The following TMEM132D variants were observed in gnomAD, a reference collection of about 807,000 sequenced individuals.
TMEM132D encodes the protein transmembrane protein 132D, also known as mature OL transmembrane protein.
A neutral mutation model predicts 62.3 loss-of-function variants in TMEM132D; 21 were observed. The observed-to-expected ratio is 0.34, with a 90% CI of 0.24 to 0.49. The LOEUF is 0.49. Ranked by LOEUF, TMEM132D falls within the 20% of genes least tolerant of loss-of-function variation. TMEM132D has a pLI of 0.99. For missense variants in TMEM132D, 1,346 were observed against 1,402.8 expected (o/e 0.96, Z 0.65); for synonymous variants, 621 against 575.6 (o/e 1.08, Z -1.13).
intron 3 of TMEM132D, among the ~76,000 whole-genome samples, chr12:129,433,465 C>T (rs1243159508): frequency 6.6e-6 from 1 of 151,998 alleles, no homozygotes; most frequent in African/African-American, 2.4e-5. Context: ...CTTTCTTTTC[C>T]TTCACCTGGT....
chr12:129,394,922 G>C (rs2135696519), intron 3 of TMEM132D, among the ~76,000 whole-genome samples: 1 of 152,280 alleles, frequency 6.6e-6, no homozygotes, highest in Middle Eastern at 3.4e-3. Flanking sequence ...ACACTCCTCT[G>C]TAAACACACG....
chr12:129,532,859 G>C (rs1485318229), intron 2 of TMEM132D, among the ~76,000 whole-genome samples: 2 of 152,218 alleles, frequency 1.3e-5, no homozygotes, highest in East Asian at 3.9e-4. Flanking sequence ...GAGGAATTAA[G>C]CACATCCTGC....
At chr12:129,535,324 G>A (rs867703376) in intron 2 of TMEM132D, among the ~76,000 whole-genome samples, 5 of 152,292 alleles carry the variant, frequency 3.3e-5, no homozygotes, top group Middle Eastern at 3.4e-3. Flanking sequence ...CAAGAGCAGC[G>A]AGTGCTGGGA....
At chr12:129,370,908 G>A (rs1032838618) in intron 3 of TMEM132D, among the ~76,000 whole-genome samples, 4 of 152,066 alleles carry the variant, frequency 2.6e-5, no homozygotes, top group African/African-American at 9.7e-5. Context: ...AGAGAAGTTG[G>A]TTAATGAACA....
At chr12:129,884,302 A>G (rs1874689601) in intron 1 of TMEM132D, among the ~76,000 whole-genome samples, 1 of 152,262 alleles carries the variant, frequency 6.6e-6, no homozygotes, top group Non-Finnish European at 1.5e-5. Flanking sequence ...TGCAAAAGAC[A>G]TGTTAAAATA....
intron 1 of TMEM132D, among the ~76,000 whole-genome samples, chr12:129,861,498 C>A (rs780366975): frequency 6.6e-6 from 1 of 152,186 alleles, no homozygotes; most frequent in Non-Finnish European, 1.5e-5. Context: ...CAGTGGCTCA[C>A]GCCTGTAATC....
At chr12:129,280,562 C>A (rs1220713152) in intron 4 of TMEM132D, among the ~76,000 whole-genome samples, 1 of 152,118 alleles carries the variant, frequency 6.6e-6, no homozygotes, top group Non-Finnish European at 1.5e-5. Context: ...TTCCATACTC[C>A]ACCACAGAAA....
At chr12:129,282,635 G>A (rs1881188432) in intron 4 of TMEM132D, among the ~76,000 whole-genome samples, 1 of 152,188 alleles carries the variant, frequency 6.6e-6, no homozygotes, top group Non-Finnish European at 1.5e-5. Flanking sequence ...TGTGAGTTTG[G>A]ATTTTGGATC....
chr12:129,340,685 A>G (rs973184082), intron 3 of TMEM132D, among the ~76,000 whole-genome samples: 2 of 152,126 alleles, frequency 1.3e-5, no homozygotes, highest in African/African-American at 4.8e-5. Flanking sequence ...TATGTGCCAC[A>G]TTTTCTTAAT....
At chr12:129,347,368 C>A (rs895318779) in intron 3 of TMEM132D, among the ~76,000 whole-genome samples, 11 of 152,080 alleles carry the variant, frequency 7.2e-5, no homozygotes, top group African/African-American at 2.7e-4. Flanking sequence ...GATATAGAGA[C>A]CAATGGAACA....
chr12:129,408,463 G>T (rs1871863621), intron 3 of TMEM132D, among the ~76,000 whole-genome samples: 1 of 148,806 alleles, frequency 6.7e-6, no homozygotes, highest in Non-Finnish European at 1.5e-5. Flanking sequence ...TATCATTTCA[G>T]AATAGGAAAT....
intron 5 of TMEM132D, among the ~76,000 whole-genome samples, chr12:129,192,507 G>C (rs923123752): frequency 6.6e-6 from 1 of 152,156 alleles, no homozygotes; most frequent in African/African-American, 2.4e-5. Flanking sequence ...AAGATTCTGT[G>C]GCAAATTCTT....
At chr12:129,573,029 TTA>T (rs1423418821) in intron 2 of TMEM132D, among the ~76,000 whole-genome samples, 1 of 152,146 alleles carries the variant, frequency 6.6e-6, no homozygotes, top group Non-Finnish European at 1.5e-5. Flanking sequence ...ACTTGGAATA[TTA>T]CTCATATGCT....
At chr12:129,604,101 G>C (rs1878553208) in intron 2 of TMEM132D, among the ~76,000 whole-genome samples, 1 of 152,116 alleles carries the variant, frequency 6.6e-6, no homozygotes, top group Admixed American at 6.5e-5. Flanking sequence ...TCACTCATAA[G>C]TGGGAGTTGA....
intron 5 of TMEM132D, among the ~76,000 whole-genome samples, chr12:129,124,493 G>A (rs1329965626): frequency 6.6e-6 from 1 of 152,122 alleles, no homozygotes; most frequent in Non-Finnish European, 1.5e-5. Flanking sequence ...CCCCATCCAA[G>A]TTAACCATTA....
At position 129,566,004 on chromosome 12, in the gene TMEM132D, G is replaced by A. The variant is rs547093227; in HGVS notation, c.969-34799C>T. Among the ~76,000 whole-genome samples, 45 of 152,308 alleles carry A rather than the reference G, an allele frequency of 3.0e-4. 3 individuals carry two copies. Among genetic ancestry groups the A allele is most frequent in the African/African-American group, 5.5e-4 (23 of 41,562 alleles). On this transcript the variant is annotated intron_variant, in intron 2 of 8. Coordinates refer to ENST00000422113, the MANE Select transcript of TMEM132D (RefSeq NM_133448.3). ...TTTTTACTGGTCTGTGACAAAATGC[G>A]TATAGCACTATACCGCACACTGAAT...
At chr12:129,588,635 C>T (rs1053579758) in intron 2 of TMEM132D, among the ~76,000 whole-genome samples, 13 of 151,666 alleles carry the variant, frequency 8.6e-5, no homozygotes, top group South Asian at 2.1e-4. Context: ...AGTGCAGTGG[C>T]GCCATCTCCG....
chr12:129,190,998 C>T (rs1264244920), intron 5 of TMEM132D, among the ~76,000 whole-genome samples: 1 of 151,918 alleles, frequency 6.6e-6, no homozygotes, highest in Non-Finnish European at 1.5e-5. Context: ...CAAGCTGTTT[C>T]CCCTCCTTCC....
Position 129,392,399 on chromosome 12 carries a change from C to G in TMEM132D, c.1116-54582G>C, listed in dbSNP as rs571871897. Reference sequence around the variant, plus strand: ...TAAAAGTTCCCAGCTGACTGAACAACAAGACTGGGGGAATCAGAGTTCCCT... The same window carrying G: ...TAAAAGTTCCCAGCTGACTGAACAAGAAGACTGGGGGAATCAGAGTTCCCT... On this transcript the variant is annotated intron_variant, in intron 3 of 8. Coordinates refer to ENST00000422113, the MANE Select transcript of TMEM132D (RefSeq NM_133448.3). 1.4e-4 allele frequency among the ~76,000 whole-genome samples: 21 copies of G among 152,318 alleles called. 1 individual carries two copies. Among genetic ancestry groups the G allele is most frequent in the African/African-American group, 4.6e-4 (19 of 41,578 alleles).
Sources: gnomAD v4.1 joint callset for allele counts (sites outside exome capture counted in the v4.1 genomes callset) on GRCh38, gnomAD v4.1.1 for gene constraint, MANE v1.5 for transcripts, NCBI Gene and HGNC (gene_info 2026-07-23, HGNC 2026-07-21) for gene names.